Variants in TRMT44 observed in about 807,000 individuals in gnomAD.
TRMT44 encodes tRNA methyltransferase 44 homolog.
TRMT44 carries 78 observed loss-of-function variants against 77.3 expected under a neutral mutation model. That is an observed-to-expected ratio of 1.01 (90% confidence interval 0.84 to 1.22). TRMT44 has a LOEUF of 1.22. TRMT44 is among the 50% of genes most tolerant of loss of function. The pLI is 0.00. For missense variants in TRMT44, 1,090 were observed against 964.4 expected, an observed-to-expected ratio of 1.13 and a Z score of -1.73; for synonymous variants, 391 against 383.3, an observed-to-expected ratio of 1.02 and a Z score of -0.23.
downstream of TRMT44, among the ~76,000 whole-genome samples, chr4:8,480,501 C>T (rs952528942): frequency 7.9e-5 from 12 of 152,168 alleles, no homozygotes; most frequent in Non-Finnish European, 1.3e-4. Context: ...TTCCCTTTTC[C>T]GGTAGGACGC....
intron 2 of TRMT44, among the ~76,000 whole-genome samples, chr4:8,482,768 A>G (rs931612438): frequency 6.6e-6 from 1 of 152,146 alleles, no homozygotes; most frequent in Non-Finnish European, 1.5e-5. Flanking sequence ...TTCTTCAGTT[A>G]CTTCAGGCCA....
At chr4:8,511,183 T>A in the TRMT44 span, among the ~76,000 whole-genome samples, 1 of 152,110 alleles carries the variant, frequency 6.6e-6, no homozygotes, top group Admixed American at 6.5e-5. Context: ...ATGCCCGGAG[T>A]GCCGTGAGCT....
At chr4:8,471,058 G>GA (rs752333810) in intron 9 of TRMT44, 26 bp from the exon 10 acceptor site, 17,878 of 1,262,878 alleles carry the variant, frequency 0.014, 4 homozygotes, top group Non-Finnish European at 0.015. Flanking sequence ...TTGTTTTGGG[G>GA]AAAAAAAAAA....
At chr4:8,488,892 A>G (rs529177120) in intron 2 of TRMT44, among the ~76,000 whole-genome samples, 2 of 152,276 alleles carry the variant, frequency 1.3e-5, no homozygotes, top group South Asian at 4.1e-4. Flanking sequence ...TGGTATTTGG[A>G]GGGGGAACCA....
intron 7 of TRMT44, 31 bp from the exon 8 acceptor site, chr4:8,465,347 T>A: frequency 6.3e-7 from 1 of 1,588,776 alleles, no homozygotes; most frequent in Non-Finnish European, 8.6e-7. Flanking sequence ...CTCAGGATGC[T>A]TGACCCTGTG....
chr4:8,474,421 G>A (rs1057408523), intron 10 of TRMT44, among the ~76,000 whole-genome samples: 5 of 152,338 alleles, frequency 3.3e-5, no homozygotes, highest in African/African-American at 7.2e-5. Context: ...AGAGGCAGCC[G>A]TGGGAGGGCA....
Position 8,475,932 on chromosome 4 carries a change from C to A in TRMT44, c.2205C>A (p.Cys735Ter). Residue 735 changes from cysteine to a stop codon, truncating the protein, a stop_gained, in exon 11 of 11, where the codon TGC becomes TGA. Transcript: ENST00000389737. LOFTEE classifies it high-confidence loss of function. Reference protein sequence around the residue: ...HPDGCALSTDCCPFAHGPAEL... With the variant: ...HPDGCALSTD ...ATGGCTGCGCTCTGTCCACGGACTG[C>A]TGCCCGTTTGCCCATGGGCCTGCGG... The A allele has an allele frequency of 6.2e-7, 1 of 1,614,202 alleles. No homozygotes were observed.
chr4:8,451,981 C>A lies in TRMT44; in HGVS notation c.976C>A (p.Pro326Thr), dbSNP rs772249791. Residue 326 changes from proline (P) to threonine (T), a missense_variant, in exon 4 of 11, where the codon CCT (proline) becomes ACT (threonine). Transcript: ENST00000389737. The surrounding 1 kb of genome is among the most constrained non-coding windows in gnomAD (Gnocchi z 4.1). ...TTAGGTGTGGCCTGAAGTCACTGAT[C>A]CTGAGAAGTTCGTGTATGAAGATGT... Reference protein sequence around the residue: ...MVKVWPEVTDPEKFVYEDVAI... With the variant: ...MVKVWPEVTDTEKFVYEDVAI... 6.5e-7 allele frequency: 1 copy of A among 1,536,758 alleles called. No homozygotes were observed. The highest frequency in any genetic ancestry group is 1.4e-5 in the African/African-American group (1 of 73,174).
intron 2 of TRMT44, among the ~76,000 whole-genome samples, chr4:8,492,338 A>G (rs1275699753): frequency 1.3e-5 from 2 of 152,128 alleles, no homozygotes; most frequent in Non-Finnish European, 2.9e-5. Flanking sequence ...AACATCAAAA[A>G]CATACTTTTT....
chr4:8,467,294 G>A (rs1560235968), intron 8 of TRMT44, among the ~76,000 whole-genome samples: 1 of 152,194 alleles, frequency 6.6e-6, no homozygotes, highest in African/African-American at 2.4e-5. Flanking sequence ...AATGAGGGGC[G>A]GCAGCGGGAA....
At chr4:8,499,137 C>CA in the TRMT44 span, among the ~76,000 whole-genome samples, 1 of 152,056 alleles carries the variant, frequency 6.6e-6, no homozygotes, top group Non-Finnish European at 1.5e-5. Context: ...GTGTGGCCAT[C>CA]AAGGAGGCCT....
chr4:8,465,340 A>G (rs2109152129), intron 7 of TRMT44, 38 bp from the exon 8 acceptor site: 1 of 1,574,932 alleles, frequency 6.3e-7, no homozygotes. Context: ...GCGTCTGCTC[A>G]GGATGCTTGA....
intron 9 of TRMT44, among the ~76,000 whole-genome samples, chr4:8,469,260 G>A (rs547849321): frequency 2.6e-4 from 38 of 145,830 alleles, no homozygotes; most frequent in African/African-American, 9.3e-4. Context: ...GCCATCTGGC[G>A]AGAGTGGCCC....
At chr4:8,497,161 GAA>G (rs35917442), downstream of TRMT44, among the ~76,000 whole-genome samples, 2 of 144,054 alleles carry the variant, frequency 1.4e-5, no homozygotes, top group African/African-American at 5.1e-5. Context: ...AAGGTTGAGG[GAA>G]AAAAAAAAAA....
At chr4:8,503,869 C>A in the TRMT44 span, among the ~76,000 whole-genome samples, 6,830 of 152,316 alleles carry the variant, frequency 0.045, 504 homozygotes, top group African/African-American at 0.15. Context: ...CCCTCTTGTT[C>A]TTATCCTCCT....
At chr4:8,500,173 C>G in the TRMT44 span, among the ~76,000 whole-genome samples, 1 of 151,910 alleles carries the variant, frequency 6.6e-6, no homozygotes, top group Non-Finnish European at 1.5e-5. Flanking sequence ...CCAGCCTGGG[C>G]AATGAAGTGA....
At chr4:8,493,840 G>A (rs530837802), downstream of TRMT44, among the ~76,000 whole-genome samples, 3 of 151,858 alleles carry the variant, frequency 2.0e-5, no homozygotes, top group South Asian at 4.2e-4. Context: ...TGCCTGCCTG[G>A]CGAGCATAAC....
chr4:8,452,887 A>G lies in TRMT44; in HGVS notation c.1029A>G (p.Leu343=), dbSNP rs190439742. Residue 343 remains leucine (L), a synonymous_variant, in exon 5 of 11, where the codon CTA becomes CTG. Transcript: ENST00000389737. The surrounding 1 kb of genome is among the most constrained non-coding windows in gnomAD (Gnocchi z 5.7). ...TTGTTTTTCTCTTCACTTAGATTCTATGGGAAGAAGAAAGGGCTGAGAGGA... is the reference window on the plus strand; with the variant it reads ...TTGTTTTTCTCTTCACTTAGATTCTGTGGGAAGAAGAAAGGGCTGAGAGGA... ...DVAIAAYLLI[L]WEEERAERRL... 4.7e-5 allele frequency: 71 copies of G among 1,523,042 alleles called. No individual in the cohort carries two copies. The highest frequency in any genetic ancestry group is 1.7e-4 in the Middle Eastern group (1 of 5,946). 94.3% of individuals were successfully genotyped at this position (1,523,042 alleles called of 1,614,324 possible).
chr4:8,450,976 A>G (rs923898716), intron 3 of TRMT44, among the ~76,000 whole-genome samples: 2 of 149,854 alleles, frequency 1.3e-5, no homozygotes, highest in Non-Finnish European at 3.0e-5. Context: ...TGTAGAGACA[A>G]AGTTTTGCCA....
Sources: allele counts gnomAD v4.1 joint callset (sites outside exome capture counted in the v4.1 genomes callset), GRCh38; gene constraint gnomAD v4.1.1; non-coding constraint Gnocchi (gnomAD v3.1); transcripts MANE v1.5; gene names NCBI Gene and HGNC (gene_info 2026-07-23, HGNC 2026-07-21).